GARIN1A: variants seen among roughly 807,000 people sequenced by gnomAD.
GARIN1A encodes golgi associated RAB2 interactor 1A, also known as Golgi-associated RAB2 interactor protein 1A.
chr7:128,706,020 G>C, the GARIN1A span, among the ~76,000 whole-genome samples: 1 of 152,084 alleles, frequency 6.6e-6, no homozygotes, highest in Non-Finnish European at 1.5e-5. Context: ...CTATAAGGAA[G>C]AGGTTCCTCT....
chr7:128,678,642 A>G, the GARIN1A span, among the ~76,000 whole-genome samples: 1 of 152,030 alleles, frequency 6.6e-6, no homozygotes. Flanking sequence ...TGTCTCTACT[A>G]AAAATACAAA....
chr7:128,708,700 A>T, the GARIN1A span, among the ~76,000 whole-genome samples: 1 of 152,252 alleles, frequency 6.6e-6, no homozygotes, highest in East Asian at 1.9e-4. Context: ...TCCAGATTTT[A>T]TGTCTTTTCT....
At chr7:128,692,406 T>C in the GARIN1A span, among the ~76,000 whole-genome samples, 1 of 152,370 alleles carries the variant, frequency 6.6e-6, no homozygotes, top group East Asian at 1.9e-4. Flanking sequence ...ATCCTTGAAG[T>C]TGATTTCTCA....
At chr7:128,703,220 A>T in the GARIN1A span, among the ~76,000 whole-genome samples, 1 of 152,240 alleles carries the variant, frequency 6.6e-6, no homozygotes, top group Non-Finnish European at 1.5e-5. Context: ...TGAACATGCT[A>T]TTCAATAGTA....
At chr7:128,695,246 A>T in the GARIN1A span, among the ~76,000 whole-genome samples, 1 of 152,114 alleles carries the variant, frequency 6.6e-6, no homozygotes. The surrounding 1 kb of genome is among the most constrained non-coding windows in gnomAD (Gnocchi z 4.5). Context: ...GAGGCTGGGA[A>T]CCTCTATGGA....
chr7:128,705,418 G>A, the GARIN1A span, among the ~76,000 whole-genome samples: 22 of 152,236 alleles, frequency 1.4e-4, no homozygotes, highest in Middle Eastern at 3.4e-3. Context: ...GGATGGAGCC[G>A]TGCCGTTCTC....
At chr7:128,681,485 C>G in the GARIN1A span, among the ~76,000 whole-genome samples, 1 of 125,184 alleles carries the variant, frequency 8.0e-6, no homozygotes, top group Non-Finnish European at 1.6e-5. Context: ...CTCCTCCTTT[C>G]CTCTGCTCTC....
At chr7:128,708,965 C>T in the GARIN1A span, 38 of 152,150 alleles carry the variant, frequency 2.5e-4, no homozygotes, top group African/African-American at 9.2e-4. Flanking sequence ...CTGGGTGTGG[C>T]CCTGTGTTTG....
the GARIN1A span, among the ~76,000 whole-genome samples, chr7:128,674,242 T>G: frequency 4.1e-3 from 627 of 152,232 alleles, 3 homozygotes; most frequent in South Asian, 5.4e-3. Context: ...ACTTAGAATG[T>G]GCTAGGGAGA....
the GARIN1A span, among the ~76,000 whole-genome samples, chr7:128,688,676 T>C: frequency 6.6e-6 from 1 of 151,904 alleles, no homozygotes; most frequent in Non-Finnish European, 1.5e-5. Flanking sequence ...TAAAGAGGCA[T>C]CTCAGTTTCC....
the GARIN1A span, among the ~76,000 whole-genome samples, chr7:128,694,902 T>C: frequency 6.6e-6 from 1 of 152,234 alleles, no homozygotes; most frequent in African/African-American, 2.4e-5. Context: ...CACTAAAGAC[T>C]GAAATTTGCT....
the GARIN1A span, among the ~76,000 whole-genome samples, chr7:128,682,042 G>T: frequency 6.6e-6 from 1 of 152,020 alleles, no homozygotes; most frequent in Non-Finnish European, 1.5e-5. Flanking sequence ...TGGTCCTCAG[G>T]AATCATCCTC....
the GARIN1A span, among the ~76,000 whole-genome samples, chr7:128,695,114 C>T: frequency 6.6e-6 from 1 of 152,232 alleles, no homozygotes; most frequent in Non-Finnish European, 1.5e-5. This position sits in a 1 kb window ranked among gnomAD's most constrained non-coding sequence, Gnocchi z 4.5. Context: ...ATGTTACTAT[C>T]TTTGCAGGCC....
At chr7:128,702,219 G>T in the GARIN1A span, among the ~76,000 whole-genome samples, 1 of 152,030 alleles carries the variant, frequency 6.6e-6, no homozygotes, top group Admixed American at 6.5e-5. Flanking sequence ...TCTGCACAAA[G>T]AAATGAAGCA....
the GARIN1A span, among the ~76,000 whole-genome samples, chr7:128,688,770 T>TC: frequency 1.1e-3 from 8 of 7,000 alleles, no homozygotes; most frequent in East Asian, 8.2e-3. Flanking sequence ...CCCCTCCCCC[T>TC]CCCCTCCCCC....
the GARIN1A span, among the ~76,000 whole-genome samples, chr7:128,677,002 G>A: frequency 6.6e-6 from 1 of 151,896 alleles, no homozygotes; most frequent in African/African-American, 2.4e-5. Flanking sequence ...GGGAGATCCT[G>A]TTACTACCAA....
chr7:128,694,943 C>T, the GARIN1A span, among the ~76,000 whole-genome samples: 1 of 152,200 alleles, frequency 6.6e-6, no homozygotes, highest in African/African-American at 2.4e-5. Flanking sequence ...CTCCTTTCTT[C>T]CTAGTTCCGT....
the GARIN1A span, among the ~76,000 whole-genome samples, chr7:128,706,023 G>A: frequency 6.6e-6 from 1 of 151,912 alleles, no homozygotes; most frequent in African/African-American, 2.4e-5. Flanking sequence ...TAAGGAAGAG[G>A]TTCCTCTCTC....
At chr7:128,673,550 GAC>G in the GARIN1A span, among the ~76,000 whole-genome samples, 4 of 152,330 alleles carry the variant, frequency 2.6e-5, no homozygotes, top group East Asian at 1.9e-4. Context: ...AGGTCTGCAA[GAC>G]ACAGACCCAT....
Sources: gnomAD v4.1 joint callset for allele counts (sites outside exome capture counted in the v4.1 genomes callset) on GRCh38, gnomAD v4.1.1 for gene constraint, Gnocchi (gnomAD v3.1) non-coding constraint, MANE v1.5 for transcripts, NCBI Gene and HGNC (gene_info 2026-07-23, HGNC 2026-07-21) for gene names.